Variants in LRRC37A2 observed in about 807,000 individuals in gnomAD.
The protein encoded by LRRC37A2 is leucine rich repeat containing 37 member A2, also known as leucine-rich repeat-containing protein 37A2.
A neutral mutation model predicts 68.8 loss-of-function variants in LRRC37A2; 9 were observed. The observed-to-expected ratio is 0.13, with a 90% CI of 0.08 to 0.23. LRRC37A2 has a LOEUF of 0.23. LRRC37A2 is among the 10% of genes least tolerant of loss of function. The pLI is 1.00. For missense variants in LRRC37A2, 168 were observed against 950.4 expected, an observed-to-expected ratio of 0.18 and a Z score of 10.82; for synonymous variants, 63 against 367.6, an observed-to-expected ratio of 0.17 and a Z score of 9.48.
the LRRC37A2 span, among the ~76,000 whole-genome samples, chr17:46,794,382 G>T: frequency 1.3e-5 from 2 of 152,178 alleles, no homozygotes; most frequent in African/African-American, 4.8e-5. Context: ...GGCCCTATAT[G>T]CAGGCTGGAT....
the LRRC37A2 span, among the ~76,000 whole-genome samples, chr17:46,676,188 G>A: frequency 6.8e-6 from 1 of 146,572 alleles, no homozygotes; most frequent in Non-Finnish European, 1.5e-5. Flanking sequence ...TAACTGCCTG[G>A]GTTCTGGAAT....
the LRRC37A2 span, among the ~76,000 whole-genome samples, chr17:46,719,809 T>C: frequency 6.6e-6 from 1 of 152,240 alleles, no homozygotes; most frequent in African/African-American, 2.4e-5. The surrounding 1 kb of genome is among the most constrained non-coding windows in gnomAD (Gnocchi z 4.3). Context: ...TTTCTGAGTA[T>C]ACAATCAGTA....
At chr17:46,872,780 A>AGGAGGGCTAGGGGACGG in the LRRC37A2 span, 2 of 1,358,828 alleles carry the variant, frequency 1.5e-6, no homozygotes, top group East Asian at 5.7e-5. Context: ...AGAGGTGGGG[A>AGGAGGGCTAGGGGACGG]GGAGGGCTAG....
chr17:46,772,013 C>T, the LRRC37A2 span, among the ~76,000 whole-genome samples: 38 of 151,514 alleles, frequency 2.5e-4, no homozygotes, highest in African/African-American at 9.2e-4. Context: ...CCGGGCTGCC[C>T]GACCCGCTGC....
chr17:46,929,764 G>A, the LRRC37A2 span: 2 of 597,896 alleles, frequency 3.3e-6, no homozygotes. Flanking sequence ...TGTGCCCTTT[G>A]GAATCCCACA....
At chr17:46,789,100 C>T in the LRRC37A2 span, among the ~76,000 whole-genome samples, 11 of 152,276 alleles carry the variant, frequency 7.2e-5, no homozygotes, top group African/African-American at 1.4e-4. Flanking sequence ...TTATGCTGGA[C>T]GCCGGGAGCA....
chr17:46,747,495 G>A, the LRRC37A2 span, among the ~76,000 whole-genome samples: 1 of 152,170 alleles, frequency 6.6e-6, no homozygotes, highest in African/African-American at 2.4e-5. Context: ...ACCTAGACAA[G>A]TCTCAAACTC....
the LRRC37A2 span, among the ~76,000 whole-genome samples, chr17:46,921,579 C>T: frequency 2.0e-5 from 3 of 152,196 alleles, no homozygotes; most frequent in African/African-American, 7.2e-5. Flanking sequence ...TTGCAATCTA[C>T]TCATCTGACA....
chr17:46,902,530 A>C, the LRRC37A2 span, among the ~76,000 whole-genome samples: 1 of 151,568 alleles, frequency 6.6e-6, no homozygotes. Flanking sequence ...TATGGCAGGA[A>C]GTTTTCACTC....
chr17:47,033,494 G>A, the LRRC37A2 span: 1 of 647,468 alleles, frequency 1.5e-6, no homozygotes, highest in East Asian at 2.7e-5. Flanking sequence ...TTCTTCCATG[G>A]AACCAGTTTT....
chr17:46,491,285 TC>T, the LRRC37A2 span, among the ~76,000 whole-genome samples: 1 of 150,636 alleles, frequency 6.6e-6, no homozygotes, highest in Non-Finnish European at 1.5e-5. Flanking sequence ...TCTTATTTAA[TC>T]TTTAATTTGT....
At chr17:46,859,934 C>G in the LRRC37A2 span, among the ~76,000 whole-genome samples, 2 of 152,108 alleles carry the variant, frequency 1.3e-5, no homozygotes, top group South Asian at 4.1e-4. Flanking sequence ...CCAATGTGCT[C>G]TATGTATTTA....
chr17:46,522,425 G>C (rs2052394053), intron 4 of LRRC37A2, among the ~76,000 whole-genome samples: 1 of 121,498 alleles, frequency 8.2e-6, no homozygotes, highest in Non-Finnish European at 1.7e-5. Context: ...AGAAGGTGTA[G>C]AAATGTGAGA....
At chr17:46,886,904 C>T in the LRRC37A2 span, among the ~76,000 whole-genome samples, 14 of 152,274 alleles carry the variant, frequency 9.2e-5, no homozygotes, top group African/African-American at 3.1e-4. Context: ...GCAAACTCCA[C>T]CTCCTAGGTT....
chr17:46,400,914 C>T, the LRRC37A2 span, among the ~76,000 whole-genome samples: 1 of 107,984 alleles, frequency 9.3e-6, no homozygotes, highest in Non-Finnish European at 2.1e-5. Flanking sequence ...GTTGGCCAGC[C>T]AGATGACTTC....
the LRRC37A2 span, among the ~76,000 whole-genome samples, chr17:46,980,391 CTCTTCTT>C: frequency 1.1e-4 from 16 of 150,076 alleles, no homozygotes; most frequent in African/African-American, 3.7e-4. Context: ...TTCTTTCTTT[CTCTTCTT>C]TCTTCTTTCT....
the LRRC37A2 span, among the ~76,000 whole-genome samples, chr17:46,451,972 CATGT>C: frequency 1.5e-4 from 7 of 45,176 alleles, no homozygotes; most frequent in African/African-American, 5.0e-4. Flanking sequence ...CCTAGAGCGG[CATGT>C]ATTTCCTGAT....
the LRRC37A2 span, chr17:46,940,770 G>A: frequency 6.5e-7 from 1 of 1,527,562 alleles, no homozygotes; most frequent in Non-Finnish European, 8.8e-7. Context: ...CAGTCCTCTA[G>A]TTTGGAATAA....
chr17:46,749,951 A>G, the LRRC37A2 span: 1 of 1,595,902 alleles, frequency 6.3e-7, no homozygotes, highest in South Asian at 1.1e-5. Context: ...TAAGAAAGGA[A>G]TTGAGGCTGA....
Sources: allele counts gnomAD v4.1 joint callset (sites outside exome capture counted in the v4.1 genomes callset), GRCh38; gene constraint gnomAD v4.1.1; non-coding constraint Gnocchi (gnomAD v3.1); transcripts MANE v1.5; gene names NCBI Gene and HGNC (gene_info 2026-07-23, HGNC 2026-07-21).